The following LILRB1 variants were observed in gnomAD, a reference collection of about 807,000 sequenced individuals.
LILRB1 encodes the protein leukocyte immunoglobulin-like receptor subfamily B member 1.
Under a neutral mutation model 74.6 loss-of-function variants are expected in LILRB1, and 59 were observed. The observed-to-expected ratio is 0.79, with a 90% CI of 0.64 to 0.98. The LOEUF (loss-of-function observed/expected upper bound fraction) is 0.98, where lower values mean the gene tolerates loss of function less well. LILRB1 is among the 50% of genes least tolerant of loss of function. The pLI is 0.00. For synonymous variants in LILRB1, 328 were observed against 333.9 expected (o/e 0.98, Z 0.19); for missense variants, 804 against 822.6 (o/e 0.98, Z 0.28).
chr19:54,626,133 C>G (rs1296991067), upstream of LILRB1, among the ~76,000 whole-genome samples: 1 of 152,212 alleles, frequency 6.6e-6, no homozygotes, highest in Non-Finnish European at 1.5e-5. Context: ...TAGGCAGACT[C>G]CAGCCCTTTC....
chr19:54,631,472 T>TA, intron 3 of LILRB1, 28 bp from the exon 4 acceptor site: 1 of 1,599,280 alleles, frequency 6.3e-7, no homozygotes, highest in South Asian at 1.1e-5. Flanking sequence ...GGAAATGAGT[T>TA]AGAATCTGAC....
rs547792937 is a variant in LILRB1, at chr19:54,633,494, T to C, written c.1262-144T>C. The C allele has an allele frequency of 7.2e-5, 85 of 1,187,396 alleles. No homozygotes were observed. The African/African-American group carries it at 7.9e-4, about 11-fold the overall frequency. The allele number at this position is 1,187,396 out of a possible 1,614,324, so 73.6% of individuals were successfully genotyped here. On this transcript the variant is annotated intron_variant, in intron 7 of 14. Coordinates refer to ENST00000324602, the MANE Select transcript of LILRB1 (RefSeq NM_001081637.3). ...CCCTCCCAGGCCTGCCCACCCTCAGTGGCATCGCCAGCATCATGGACAGGA... is the reference window on the plus strand; with the variant it reads ...CCCTCCCAGGCCTGCCCACCCTCAGCGGCATCGCCAGCATCATGGACAGGA...
chr19:54,632,741 C>A lies in LILRB1; in HGVS notation c.939C>A (p.Pro313=). 1 of 1,612,178 alleles carries A rather than the reference C, an allele frequency of 6.2e-7. No homozygotes were observed. The highest frequency in any genetic ancestry group is 8.5e-7 in the Non-Finnish European group (1 of 1,179,966). The change falls in exon 6 of 15, where the codon CCC becomes CCA. Residue 313 remains proline, a synonymous_variant. Transcript: ENST00000324602. ...CCGAGTGGTCGGCCCCCAGCGACCC[C>A]CTGGACATCCTGATCGCAGGTGAGG... The part of the protein sequence containing the change: ...LSSEWSAPSD[P]LDILIAGQFY...
In LILRB1 at chr19:54,635,204, C is replaced by T. The variant is rs2064286988; in HGVS notation, c.1562+25C>T. ...GGTAATTCTGCCCGAAGACCCCAGA[C>T]TCCCACCTGCTCGTGGCCCATACAC... On this transcript the variant is annotated intron_variant, in intron 11 of 14. Coordinates refer to ENST00000324602, the MANE Select transcript of LILRB1 (RefSeq NM_001081637.3). The T allele has an allele frequency of 6.2e-6, 10 of 1,606,846 alleles. No homozygotes were observed. In the African/African-American group the frequency reaches 9.4e-5, roughly 15 times the overall value.
At chr19:54,634,227 G>A in intron 9 of LILRB1, 1 of 1,498,000 alleles carries the variant, frequency 6.7e-7, no homozygotes, top group Non-Finnish European at 8.9e-7. Flanking sequence ...CCTCCTGGGA[G>A]AGGAGGCCTC....
upstream of LILRB1, among the ~76,000 whole-genome samples, chr19:54,630,231 T>G (rs2146228861): frequency 6.7e-6 from 1 of 148,974 alleles, no homozygotes; most frequent in Non-Finnish European, 1.5e-5. Flanking sequence ...CCCCCCCAAC[T>G]CCCCAAATCA....
At chr19:54,620,127 G>A (rs944332612) in intron 1 of LILRB1, among the ~76,000 whole-genome samples, 2 of 151,910 alleles carry the variant, frequency 1.3e-5, no homozygotes, top group East Asian at 3.8e-4. Flanking sequence ...AAAAATTACG[G>A]AGATAAAACT....
Position 54,632,201 on chromosome 19 carries a change from T to C in LILRB1, c.625T>C (p.Ser209Pro), listed in dbSNP as rs2063937276. 4 of 1,614,014 alleles carry C rather than the reference T, an allele frequency of 2.5e-6. No homozygotes were observed. The East Asian group carries it at 8.9e-5, about 36-fold the overall frequency. The change falls in exon 5 of 15, where the codon TCT (serine) becomes CCT (proline). Residue 209 changes from serine (S) to proline (P), a missense_variant. Coordinates refer to ENST00000324602, the MANE Select transcript of LILRB1 (RefSeq NM_001081637.3). ...AYDSNSPYEWSLPSDLLELLV... is the reference protein window; with the variant it reads ...AYDSNSPYEWPLPSDLLELLV... ...TGACTCGAACTCTCCCTATGAGTGG[T>C]CTCTACCCAGTGATCTCCTGGAGCT...
chr19:54,632,477 G>A lies in LILRB1; in HGVS notation c.675G>A (p.Lys225=). Residue 225 remains lysine, a synonymous_variant, in exon 6 of 15, where the codon AAG becomes AAA. Transcript: ENST00000324602. The part of the protein sequence containing the change: ...LELLVLGVSK[K]PSLSVQPGPI... ...ACCTTTTCCCAGGTGTTTCTAAGAA[G>A]CCATCACTCTCAGTGCAGCCAGGTC... 4 of 1,603,856 alleles carry A rather than the reference G, an allele frequency of 2.5e-6. No individual in the cohort carries two copies. The highest frequency in any genetic ancestry group is 3.4e-6 in the Non-Finnish European group (4 of 1,173,006).
Position 54,635,162 on chromosome 19 carries a change from C to A in LILRB1, c.1545C>A (p.Asp515Glu). 6.3e-7 allele frequency: 1 copy of A among 1,593,744 alleles called. No homozygotes were observed. The highest frequency in any genetic ancestry group is 8.6e-7 in the Non-Finnish European group (1 of 1,165,146). The part of the protein sequence containing the change: ...PAGAVGPEPT[D>E]RGLQWRSSPA... ...GGGCTGTGGGGCCAGAGCCCACAGA[C>A]AGAGGCCTGCAGTGGAGGTAATTCT... The change falls in exon 11 of 15, where the codon GAC becomes GAA. Residue 515 changes from aspartate (D) to glutamate (E), a missense_variant. Transcript: ENST00000324602.
intron 7 of LILRB1, 60 bp downstream of exon 7, chr19:54,633,378 G>A: frequency 1.9e-6 from 3 of 1,541,134 alleles, no homozygotes; most frequent in East Asian, 4.6e-5. Context: ...CCTGCCCCAG[G>A]AGAGCTCTGG....
upstream of LILRB1, among the ~76,000 whole-genome samples, chr19:54,616,951 G>C (rs551605175): frequency 1.3e-5 from 2 of 152,166 alleles, no homozygotes; most frequent in Non-Finnish European, 2.9e-5. Context: ...AAAAAGGCTT[G>C]TCCAGGAAGC....
intron 12 of LILRB1, 83 bp downstream of exon 12, chr19:54,635,379 T>A: frequency 1.3e-6 from 2 of 1,577,284 alleles, no homozygotes; most frequent in Non-Finnish European, 1.7e-6. Context: ...GGGCGCTGGC[T>A]GGAAAGGGTC....
At chr19:54,620,971 C>G (rs1288996322) in intron 1 of LILRB1, among the ~76,000 whole-genome samples, 1 of 152,158 alleles carries the variant, frequency 6.6e-6, no homozygotes, top group Non-Finnish European at 1.5e-5. Flanking sequence ...CTCCTGGGTT[C>G]AAGCGATTCT....
rs762947279 is a variant in LILRB1 at position 54,636,583 on chromosome 19, C to G, written c.1743C>G (p.Ser581=). The change falls in exon 14 of 15, where the codon TCC becomes TCG. Residue 581 remains serine (S), a synonymous_variant. Coordinates refer to ENST00000324602, the MANE Select transcript of LILRB1 (RefSeq NM_001081637.3). ...RPRREMASPP[S]PLSGEFLDTK... ...GGAGAGAAATGGCCTCTCCTCCTTC[C>G]CCACTGTCTGGGGAATTCCTGGACA... The G allele has an allele frequency of 1.2e-6, 2 of 1,610,492 alleles. 1 individual carries two copies. The highest frequency in any genetic ancestry group is 1.7e-6 in the Non-Finnish European group (2 of 1,178,722).
rs2114511 is a variant in LILRB1, at chr19:54,633,642, G to A, written c.1266G>A (p.Pro422=). The part of the protein sequence containing the change: ...SDPLELVVSG[P]SGGPSSPTTG... ...TCCTCTCATTCTTTTACCCAGGACCGTCTGGGGGCCCCAGCTCCCCGACAA... is the reference window on the plus strand; with the variant it reads ...TCCTCTCATTCTTTTACCCAGGACCATCTGGGGGCCCCAGCTCCCCGACAA... Residue 422 remains proline, a synonymous_variant, in exon 8 of 15, where the codon CCG becomes CCA. Transcript: ENST00000324602. 2.5e-5 allele frequency: 40 copies of A among 1,613,214 alleles called. No individual in the cohort carries two copies. Among genetic ancestry groups the A allele is most frequent in the South Asian group, 5.5e-5 (5 of 90,960 alleles).
At chr19:54,621,542 T>G (rs2063456062) in intron 1 of LILRB1, among the ~76,000 whole-genome samples, 1 of 151,686 alleles carries the variant, frequency 6.6e-6, no homozygotes, top group Admixed American at 6.6e-5. Context: ...TTTGTTTTTT[T>G]TTTTTCATGT....
At chr19:54,626,157 T>A (rs2063581972), upstream of LILRB1, among the ~76,000 whole-genome samples, 1 of 152,354 alleles carries the variant, frequency 6.6e-6, no homozygotes, top group South Asian at 2.1e-4. Context: ...TCAGCCAACT[T>A]GAACCTCAGC....
In LILRB1 at chr19:54,636,841, C is replaced by T; in HGVS notation, c.1922C>T (p.Ala641Val). 6.2e-7 allele frequency: 1 copy of T among 1,613,658 alleles called. No individual in the cohort carries two copies. Among genetic ancestry groups the T allele is most frequent in the Non-Finnish European group, 8.5e-7 (1 of 1,179,636 alleles). Reference protein sequence around the residue: ...PPPSQEGPSPAVPSIYATLAI... With the variant: ...PPPSQEGPSPVVPSIYATLAI... ...CCATCCCAGGAAGGGCCCTCTCCAGCTGTGCCCAGCATCTACGCCACTCTG... is the reference window on the plus strand; with the variant it reads ...CCATCCCAGGAAGGGCCCTCTCCAGTTGTGCCCAGCATCTACGCCACTCTG... The change falls in exon 15 of 15, where the codon GCT becomes GTT. Residue 641 changes from alanine (A) to valine (V), a missense_variant. Physicochemically the swap from Ala to Val is moderately conservative, Grantham distance 64 (BLOSUM62 0). Coordinates refer to ENST00000324602, the MANE Select transcript of LILRB1 (RefSeq NM_001081637.3).
Sources: gnomAD v4.1 joint callset for allele counts (sites outside exome capture counted in the v4.1 genomes callset) on GRCh38, gnomAD v4.1.1 for gene constraint, MANE v1.5 for transcripts, NCBI Gene and HGNC (gene_info 2026-07-23, HGNC 2026-07-21) for gene names.